The following SLC39A11 variants were observed in gnomAD, a reference collection of about 807,000 sequenced individuals.
SLC39A11 encodes the protein zinc transporter ZIP11.
SLC39A11 carries 33 observed loss-of-function variants against 36.1 expected under a neutral mutation model. The ratio of observed to expected loss-of-function variants is 0.91; its 90% confidence interval spans 0.69 to 1.22. The LOEUF (loss-of-function observed/expected upper bound fraction) is 1.22. Among genes scored for constraint, SLC39A11 ranks in the 50% most tolerant of loss-of-function variants. SLC39A11 has a pLI of 0.00. For missense variants in SLC39A11, 432 were observed against 430.3 expected, an observed-to-expected ratio of 1.00 and a Z score of -0.03; for synonymous variants, 166 against 170.3, an observed-to-expected ratio of 0.97 and a Z score of 0.20.
chr17:72,879,049 A>G (rs2081059829), intron 5 of SLC39A11, among the ~76,000 whole-genome samples: 1 of 152,264 alleles, frequency 6.6e-6, no homozygotes, highest in Non-Finnish European at 1.5e-5. Context: ...ACAGATGAAC[A>G]GCCAAATGGA....
chr17:72,647,336 G>A lies in SLC39A11; in HGVS notation c.*248C>T, dbSNP rs1054086640. On this transcript the variant is annotated 3_prime_UTR_variant, in exon 10 of 10. Transcript: ENST00000255559. ...CCTTGATAATCCCACTGAAGAGAGA[G>A]TCCATTCAGTGGCCAAAACAAAGAA... 6.0e-6 allele frequency: 2 copies of A among 334,022 alleles called. No homozygotes were observed. Among genetic ancestry groups the A allele is most frequent in the Admixed American group, 9.2e-5 (2 of 21,634 alleles). 20.7% of individuals were successfully genotyped at this position (334,022 alleles called of 1,614,324 possible).
chr17:72,920,608 A>C (rs2083601621), intron 5 of SLC39A11, among the ~76,000 whole-genome samples: 2 of 142,064 alleles, frequency 1.4e-5, no homozygotes, highest in Middle Eastern at 3.8e-3. Context: ...CCCCTCTACA[A>C]CTACACCCCA....
chr17:73,031,778 T>C, intron 3 of SLC39A11, 64 bp from the exon 4 acceptor site: 1 of 1,541,960 alleles, frequency 6.5e-7, no homozygotes, highest in Non-Finnish European at 8.9e-7. Flanking sequence ...AGGCAGGACC[T>C]CAGTTGCTCT....
chr17:72,813,203 T>C (rs1439589717), intron 6 of SLC39A11, among the ~76,000 whole-genome samples: 3 of 152,228 alleles, frequency 2.0e-5, no homozygotes, highest in Non-Finnish European at 4.4e-5. Flanking sequence ...AAAAACTTCT[T>C]CATATGCTTT....
chr17:72,683,955 C>T (rs1409434773), intron 7 of SLC39A11, among the ~76,000 whole-genome samples: 2 of 152,154 alleles, frequency 1.3e-5, no homozygotes, highest in Admixed American at 6.5e-5. Context: ...TCCAACACTA[C>T]CCATCTGACT....
chr17:72,721,438 G>A (rs1337154405), intron 7 of SLC39A11, among the ~76,000 whole-genome samples: 5 of 152,142 alleles, frequency 3.3e-5, no homozygotes, highest in Admixed American at 6.5e-5. Flanking sequence ...TGGACGAGAG[G>A]CATCTCAGTG....
intron 3 of SLC39A11, among the ~76,000 whole-genome samples, chr17:73,048,095 G>A (rs1017453060): frequency 1.4e-5 from 2 of 146,822 alleles, no homozygotes; most frequent in African/African-American, 2.5e-5. Flanking sequence ...GTTTGGATAT[G>A]AGGGTACAGG....
chr17:72,783,287 A>G (rs1173103427), intron 6 of SLC39A11, among the ~76,000 whole-genome samples: 1 of 152,166 alleles, frequency 6.6e-6, no homozygotes, highest in African/African-American at 2.4e-5. Flanking sequence ...AGAGCCACCC[A>G]GTGTATGGCA....
intron 6 of SLC39A11, among the ~76,000 whole-genome samples, chr17:72,790,326 T>C (rs1450938823): frequency 6.6e-6 from 1 of 152,072 alleles, no homozygotes; most frequent in Non-Finnish European, 1.5e-5. Context: ...CCATGTGACC[T>C]GGATAAACAG....
At chr17:73,005,380 G>C (rs898827341) in intron 4 of SLC39A11, among the ~76,000 whole-genome samples, 1 of 152,130 alleles carries the variant, frequency 6.6e-6, no homozygotes, top group African/African-American at 2.4e-5. Flanking sequence ...TGATATAAGG[G>C]AACTGACACG....
At chr17:72,783,019 A>AAAG (rs1555671248) in intron 6 of SLC39A11, among the ~76,000 whole-genome samples, 1 of 145,870 alleles carries the variant, frequency 6.9e-6, no homozygotes, top group Non-Finnish European at 1.5e-5. Flanking sequence ...AAAAAAAAAA[A>AAAG]AAAGAAAAAA....
intron 4 of SLC39A11, among the ~76,000 whole-genome samples, chr17:73,030,875 T>A (rs2058716410): frequency 6.6e-6 from 1 of 152,232 alleles, no homozygotes; most frequent in Admixed American, 6.5e-5. Context: ...GTTTGCACGG[T>A]GCTTCCCTGT....
At chr17:73,056,123 A>T (rs958534493) in intron 3 of SLC39A11, among the ~76,000 whole-genome samples, 4 of 151,078 alleles carry the variant, frequency 2.6e-5, no homozygotes, top group Non-Finnish European at 5.9e-5. Context: ...TTCCCCACAG[A>T]GCCCCGAGGG....
intron 6 of SLC39A11, among the ~76,000 whole-genome samples, chr17:72,829,363 G>C (rs766718150): frequency 6.9e-6 from 1 of 145,532 alleles, no homozygotes; most frequent in Non-Finnish European, 1.5e-5. Flanking sequence ...AAAAAAAAAA[G>C]GCCCCCTCAC....
chr17:72,869,523 G>A (rs2080493484), intron 5 of SLC39A11, among the ~76,000 whole-genome samples: 1 of 152,112 alleles, frequency 6.6e-6, no homozygotes, highest in Non-Finnish European at 1.5e-5. Context: ...CCAAGTAGCT[G>A]GGACTACAGG....
intron 9 of SLC39A11, 41 bp from the exon 10 acceptor site, chr17:72,647,703 T>A (rs771097054): frequency 5.1e-6 from 8 of 1,557,534 alleles, no homozygotes; most frequent in Non-Finnish European, 6.2e-6. Context: ...ACCTTAATGA[T>A]CCCTGAGGCC....
chr17:72,716,980 A>ATATATAT (rs1555646773), intron 7 of SLC39A11, among the ~76,000 whole-genome samples: 21 of 130,474 alleles, frequency 1.6e-4, no homozygotes, highest in Middle Eastern at 3.8e-3. Context: ...AAAAAAAAAA[A>ATATATAT]ATATATATAT....
chr17:73,036,386 A>G (rs1343131716), intron 3 of SLC39A11, among the ~76,000 whole-genome samples: 1 of 152,044 alleles, frequency 6.6e-6, no homozygotes, highest in Non-Finnish European at 1.5e-5. Context: ...CAGCTGATGA[A>G]CCCACACTGA....
chr17:72,688,544 C>G (rs2071862974), intron 7 of SLC39A11, among the ~76,000 whole-genome samples: 1 of 152,222 alleles, frequency 6.6e-6, no homozygotes, highest in Non-Finnish European at 1.5e-5. Flanking sequence ...GATGCAGTGG[C>G]TGCTCCCCAT....
Sources: gnomAD v4.1 joint callset for allele counts (sites outside exome capture counted in the v4.1 genomes callset) on GRCh38, gnomAD v4.1.1 for gene constraint, MANE v1.5 for transcripts, NCBI Gene and HGNC (gene_info 2026-07-23, HGNC 2026-07-21) for gene names.